ZFHX4: variants seen among roughly 807,000 people sequenced by gnomAD.
ZFHX4 encodes zinc finger homeobox protein 4.
In ZFHX4, 56 loss-of-function variants were observed where a neutral mutation model predicts 267.6. The ratio of observed to expected loss-of-function variants is 0.21; its 90% CI spans 0.17 to 0.26. ZFHX4 has a LOEUF of 0.26. Among genes scored for constraint, ZFHX4 ranks in the 10% least tolerant of loss-of-function variants. The pLI is 1.00. For missense variants in ZFHX4, 4,332 were observed against 4,420.0 expected (o/e 0.98, Z 0.56); for synonymous variants, 1,778 against 1,665.6 (o/e 1.07, Z -1.64).
At chr8:76,692,904 T>A (rs903544190) in intron 1 of ZFHX4, among the ~76,000 whole-genome samples, 8 of 152,324 alleles carry the variant, frequency 5.3e-5, no homozygotes, top group African/African-American at 1.9e-4. Context: ...GTGCATGGCC[T>A]ATGTTCTGGT....
intron 4 of ZFHX4, among the ~76,000 whole-genome samples, chr8:76,804,782 G>C (rs1208579154): frequency 6.6e-6 from 1 of 152,024 alleles, no homozygotes; most frequent in Admixed American, 6.6e-5. Context: ...CGGATTAAGT[G>C]AGGTGAGAGG....
intron 3 of ZFHX4, among the ~76,000 whole-genome samples, chr8:76,754,483 T>C (rs1305895827): frequency 2.2e-5 from 3 of 138,030 alleles, no homozygotes; most frequent in African/African-American, 9.9e-5. Context: ...AGCAAGACTC[T>C]GTCTCAAAAA....
intron 1 of ZFHX4, among the ~76,000 whole-genome samples, chr8:76,698,625 T>C (rs1808018775): frequency 6.6e-6 from 1 of 151,662 alleles, no homozygotes; most frequent in South Asian, 2.1e-4. Context: ...AATCACAGGG[T>C]CCCATTTACA....
Position 76,856,232 on chromosome 8 carries a change from T to G in ZFHX4, c.9311T>G (p.Leu3104Arg). The G allele has an allele frequency of 6.2e-7, 1 of 1,613,928 alleles. No homozygotes were observed. The part of the protein sequence containing the change: ...LPTAYPGLPG[L>R]PPVLLPGMNG... Reference sequence around the variant, plus strand: ...ACAGCCTACCCCGGACTCCCCGGCCTTCCTCCAGTCCTTCTCCCCGGAATG... The same window carrying G: ...ACAGCCTACCCCGGACTCCCCGGCCGTCCTCCAGTCCTTCTCCCCGGAATG... The change falls in exon 10 of 11, where the codon CTT (leucine) becomes CGT (arginine). Residue 3104 changes from leucine (L) to arginine (R), a missense_variant. This residue lies in a region of ZFHX4 where 1,648 missense variants were observed against 1,625.0 expected (regional missense o/e 1.01). Coordinates refer to ENST00000651372, the MANE Select transcript of ZFHX4 (RefSeq NM_024721.5).
At chr8:76,834,887 T>C (rs1418272013) in intron 5 of ZFHX4, among the ~76,000 whole-genome samples, 1 of 151,924 alleles carries the variant, frequency 6.6e-6, no homozygotes, top group Non-Finnish European at 1.5e-5. Context: ...TGTTTTGCAG[T>C]TAGGTCTGTA....
chr8:76,835,260 T>TATGTATATATATGTA (rs1563549213), intron 5 of ZFHX4, among the ~76,000 whole-genome samples: 1 of 143,584 alleles, frequency 7.0e-6, no homozygotes, highest in Non-Finnish European at 1.5e-5. Context: ...TATATATATA[T>TATGTATATATATGTA]TCATACATAT....
intron 1 of ZFHX4, among the ~76,000 whole-genome samples, chr8:76,682,239 A>G (rs962247050): frequency 1.3e-5 from 2 of 148,888 alleles, no homozygotes; most frequent in African/African-American, 5.0e-5. Flanking sequence ...TTTACCCTCC[A>G]CCCCCCACCC....
chr8:76,799,637 C>G (rs182301227), intron 4 of ZFHX4, among the ~76,000 whole-genome samples: 73 of 152,338 alleles, frequency 4.8e-4, no homozygotes, highest in Middle Eastern at 3.4e-3. Context: ...AGGATTCTCT[C>G]TCACACATAC....
intron 3 of ZFHX4, among the ~76,000 whole-genome samples, chr8:76,757,801 A>G (rs1809802831): frequency 6.6e-6 from 1 of 152,122 alleles, no homozygotes; most frequent in Admixed American, 6.5e-5. Context: ...AAGATTAAAG[A>G]TGAGCGTGGG....
intron 3 of ZFHX4, among the ~76,000 whole-genome samples, chr8:76,775,919 A>G (rs1479296967): frequency 6.7e-6 from 1 of 149,222 alleles, no homozygotes. Context: ...TTTTAATGTG[A>G]AAGTGGCTCA....
intron 5 of ZFHX4, among the ~76,000 whole-genome samples, chr8:76,836,022 C>T (rs1241889930): frequency 1.3e-5 from 2 of 151,994 alleles, no homozygotes; most frequent in Admixed American, 6.6e-5. Context: ...GACATCACAC[C>T]GTAGACTTAG....
intron 3 of ZFHX4, among the ~76,000 whole-genome samples, chr8:76,720,071 A>G (rs1357919835): frequency 2.0e-5 from 3 of 152,182 alleles, no homozygotes; most frequent in Non-Finnish European, 4.4e-5. Flanking sequence ...AATTTTTATA[A>G]TTTCTACAGA....
chr8:76,769,666 T>G (rs922352624), intron 3 of ZFHX4, among the ~76,000 whole-genome samples: 10 of 152,120 alleles, frequency 6.6e-5, no homozygotes, highest in Non-Finnish European at 1.0e-4. Context: ...ATTTGATAAG[T>G]TTTCTATTGG....
chr8:76,850,424 G>C, intron 9 of ZFHX4, 62 bp downstream of exon 9: 1 of 1,331,716 alleles, frequency 7.5e-7, no homozygotes, highest in Non-Finnish European at 1.0e-6. Flanking sequence ...ATTTGTGGTG[G>C]TGCCCAAAGA....
At chr8:76,783,061 G>A (rs77936407) in intron 4 of ZFHX4, among the ~76,000 whole-genome samples, 5 of 151,966 alleles carry the variant, frequency 3.3e-5, no homozygotes, top group African/African-American at 1.2e-4. Flanking sequence ...TACCAGTAGG[G>A]TTGCCTGATG....
In ZFHX4 at chr8:76,795,413, G is replaced by A. The variant is rs138954898; in HGVS notation, c.3325+16974G>A. On this transcript the variant is annotated intron_variant, in intron 4 of 10. Coordinates refer to ENST00000651372, the MANE Select transcript of ZFHX4 (RefSeq NM_024721.5). The stretch of plus-strand genomic sequence containing the variant: ...CTAAGCCACCTGAGTAGCTTGCACC[G>A]TAGGCACACACCACCATGCCTGGCT... 3.7e-4 allele frequency among the ~76,000 whole-genome samples: 57 copies of A among 152,010 alleles called. No homozygotes were observed. In the East Asian group the frequency reaches 4.3e-3, roughly 11 times the overall value.
At chr8:76,813,671 A>G (rs1473117552) in intron 4 of ZFHX4, among the ~76,000 whole-genome samples, 2 of 152,308 alleles carry the variant, frequency 1.3e-5, no homozygotes, top group East Asian at 3.9e-4. Flanking sequence ...GATTATGCCC[A>G]AAACTAGCCA....
intron 4 of ZFHX4, among the ~76,000 whole-genome samples, chr8:76,794,914 C>G (rs998496208): frequency 7.1e-6 from 1 of 140,976 alleles, no homozygotes; most frequent in Non-Finnish European, 1.5e-5. Flanking sequence ...TGTGTGTGGA[C>G]AAATCAAGCC....
intron 4 of ZFHX4, among the ~76,000 whole-genome samples, chr8:76,792,836 T>C (rs552127459): frequency 1.3e-5 from 2 of 152,256 alleles, no homozygotes; most frequent in East Asian, 3.9e-4. Context: ...TGCCATTAAC[T>C]GTCATTTTCC....
Sources: gnomAD v4.1 joint callset for allele counts (sites outside exome capture counted in the v4.1 genomes callset) on GRCh38, gnomAD v4.1.1 for gene constraint, gnomAD v4.1.1 regional missense constraint, MANE v1.5 for transcripts, NCBI Gene and HGNC (gene_info 2026-07-23, HGNC 2026-07-21) for gene names.